Variants in TLL1 observed in about 807,000 individuals in gnomAD.
TLL1 encodes tolloid-like protein 1.
TLL1 carries 49 observed loss-of-function variants against 128.2 expected under a neutral mutation model. That is an observed-to-expected ratio of 0.38 (90% CI 0.30 to 0.48). The LOEUF is 0.48. TLL1 is among the 20% of genes least tolerant of loss of function. The probability of loss-of-function intolerance (pLI) is 0.96; values close to 1 mark genes in which losing one functional copy is unlikely to be tolerated. For missense variants in TLL1, 1,123 were observed against 1,242.0 expected, an observed-to-expected ratio of 0.90 and a Z score of 1.44; for synonymous variants, 454 against 418.8, an observed-to-expected ratio of 1.08 and a Z score of -1.03.
At chr4:165,989,203 A>G (rs1736523027) in intron 1 of TLL1, among the ~76,000 whole-genome samples, 178 bp from the exon 2 acceptor site, 1 of 152,122 alleles carries the variant, frequency 6.6e-6, no homozygotes, top group Admixed American at 6.6e-5. Context: ...GCCCTTTTAC[A>G]GGTAGCTAAT....
At chr4:166,038,318 T>G (rs1739091651) in intron 9 of TLL1, among the ~76,000 whole-genome samples, 1 of 152,142 alleles carries the variant, frequency 6.6e-6, no homozygotes, top group South Asian at 2.1e-4. Context: ...AAAGGGATTT[T>G]TGAATATTGC....
intron 19 of TLL1, 149 bp from the exon 20 acceptor site, chr4:166,099,128 G>T (rs911138480): frequency 7.8e-7 from 1 of 1,275,256 alleles, no homozygotes; most frequent in African/African-American, 1.5e-5. Flanking sequence ...GACACTATCT[G>T]ACTCTCCAGT....
chr4:166,087,803 G>A (rs1368783303), intron 18 of TLL1, among the ~76,000 whole-genome samples: 2 of 152,038 alleles, frequency 1.3e-5, no homozygotes, highest in Non-Finnish European at 2.9e-5. Flanking sequence ...GGCTTGCTTG[G>A]GTGTTCCAGA....
intron 1 of TLL1, among the ~76,000 whole-genome samples, chr4:165,894,305 A>G (rs1194283820): frequency 6.6e-6 from 1 of 152,186 alleles, no homozygotes; most frequent in East Asian, 1.9e-4. Flanking sequence ...AAATATTAGA[A>G]GAAGCCAGAG....
chr4:166,034,753 G>A (rs560630603), intron 9 of TLL1, among the ~76,000 whole-genome samples: 1 of 152,238 alleles, frequency 6.6e-6, no homozygotes, highest in South Asian at 2.1e-4. Context: ...GGAAAGAGAA[G>A]TCTGAGTCCA....
chr4:166,063,725 G>A (rs1740442131), intron 15 of TLL1, among the ~76,000 whole-genome samples: 1 of 152,092 alleles, frequency 6.6e-6, no homozygotes, highest in Admixed American at 6.6e-5. Context: ...ATCATTCTGA[G>A]CAAACTATCG....
intron 12 of TLL1, chr4:166,044,215 A>T: frequency 3.5e-6 from 2 of 564,208 alleles, no homozygotes; most frequent in Non-Finnish European, 6.1e-6. Flanking sequence ...ACATGATTGG[A>T]GATGGAGTCT....
intron 13 of TLL1, among the ~76,000 whole-genome samples, chr4:166,056,266 C>T (rs548239702): frequency 3.4e-4 from 51 of 152,108 alleles, no homozygotes; most frequent in Non-Finnish European, 6.0e-4. Context: ...TTATCAAAAT[C>T]AAGTGTCTTG....
rs1316958790 is a variant in TLL1 at position 166,091,483 on chromosome 4, G to T, written c.2656+142G>T. The T allele has an allele frequency of 1.7e-5, 12 of 711,400 alleles. No individual in the cohort carries two copies. The South Asian group carries it at 2.2e-4, about 13-fold the overall frequency. 44.1% of individuals were successfully genotyped at this position (711,400 alleles called of 1,614,324 possible). A position where few individuals can be genotyped will look rare whatever the true frequency, so the allele number is the denominator to read the frequency against. ...CACTGAAGCACTTTGTGAAATATTT[G>T]CAGAACCATACAGCATCCTACCTAA... On this transcript the variant is annotated intron_variant, in intron 19 of 20. Coordinates refer to ENST00000061240, the MANE Select transcript of TLL1 (RefSeq NM_012464.5).
chr4:166,091,365 C>G, intron 19 of TLL1, 24 bp downstream of exon 19: 4 of 1,601,602 alleles, frequency 2.5e-6, no homozygotes, highest in Non-Finnish European at 3.4e-6. Flanking sequence ...AGTCATGCTT[C>G]TCTTTTTTGA....
At chr4:166,075,250 G>T (rs1442840540) in intron 17 of TLL1, among the ~76,000 whole-genome samples, 1 of 152,180 alleles carries the variant, frequency 6.6e-6, no homozygotes, top group Non-Finnish European at 1.5e-5. Context: ...ATACCATCTG[G>T]TAGCCAGAAA....
At chr4:165,895,829 A>G (rs67164655) in intron 1 of TLL1, among the ~76,000 whole-genome samples, 23,959 of 151,924 alleles carry the variant, frequency 0.16, 2,228 homozygotes, top group East Asian at 0.31. Context: ...AGAGCAACAG[A>G]TACGTAAATA....
chr4:166,014,319 A>C, intron 7 of TLL1, 117 bp from the exon 8 acceptor site: 1 of 1,476,858 alleles, frequency 6.8e-7, no homozygotes, highest in East Asian at 2.3e-5. Context: ...CTTAAAGCAC[A>C]CAAGGTGTAG....
intron 1 of TLL1, among the ~76,000 whole-genome samples, chr4:165,889,144 C>T (rs938590883): frequency 6.6e-6 from 1 of 152,190 alleles, no homozygotes; most frequent in African/African-American, 2.4e-5. Flanking sequence ...ACAGAAACAG[C>T]AGTCATTAAC....
chr4:166,037,844 T>C (rs146897317), intron 9 of TLL1, among the ~76,000 whole-genome samples: 143 of 152,130 alleles, frequency 9.4e-4, no homozygotes, highest in African/African-American at 3.3e-3. Context: ...CACAACTTAA[T>C]GTACTACATT....
At chr4:165,912,251 T>A (rs1264492044) in intron 1 of TLL1, among the ~76,000 whole-genome samples, 4 of 152,150 alleles carry the variant, frequency 2.6e-5, no homozygotes, top group Non-Finnish European at 5.9e-5. Flanking sequence ...TACACCTAGT[T>A]TCCTGACTGC....
intron 1 of TLL1, among the ~76,000 whole-genome samples, chr4:165,951,112 A>C (rs1734493158): frequency 6.6e-6 from 1 of 152,166 alleles, no homozygotes; most frequent in South Asian, 2.1e-4. Flanking sequence ...ATGGAAAACT[A>C]TGAAAGTTCT....
intron 12 of TLL1, among the ~76,000 whole-genome samples, chr4:166,045,300 A>G (rs1441538370): frequency 6.6e-6 from 1 of 151,896 alleles, no homozygotes; most frequent in Non-Finnish European, 1.5e-5. Flanking sequence ...TGCTTATTTT[A>G]TTTTACTTAC....
intron 1 of TLL1, among the ~76,000 whole-genome samples, chr4:165,961,982 G>A (rs1177616733): frequency 1.3e-5 from 2 of 151,938 alleles, no homozygotes; most frequent in Non-Finnish European, 2.9e-5. Context: ...AAAAATCCTG[G>A]AAGAAAAACT....
Sources: gnomAD v4.1 joint callset for allele counts (sites outside exome capture counted in the v4.1 genomes callset) on GRCh38, gnomAD v4.1.1 for gene constraint, MANE v1.5 for transcripts, NCBI Gene and HGNC (gene_info 2026-07-23, HGNC 2026-07-21) for gene names.